The following MYO18B variants were observed in gnomAD, a reference collection of about 807,000 sequenced individuals.
The protein encoded by MYO18B is myosin XVIIIB.
MYO18B carries 204 observed loss-of-function variants against 273.0 expected under a neutral mutation model. The ratio of observed to expected loss-of-function variants is 0.75; its 90% CI spans 0.67 to 0.84. The LOEUF (loss-of-function observed/expected upper bound fraction) is 0.84. Ranked by LOEUF, MYO18B falls within the 40% of genes least tolerant of loss-of-function variation. The pLI is 0.00. For missense variants in MYO18B, 3,212 were observed against 3,287.6 expected (o/e 0.98, Z 0.56); for synonymous variants, 1,330 against 1,305.7 (o/e 1.02, Z -0.40).
intron 39 of MYO18B, among the ~76,000 whole-genome samples, chr22:25,974,663 A>G (rs2093069853): frequency 1.3e-5 from 2 of 152,220 alleles, no homozygotes; most frequent in Admixed American, 6.5e-5. Flanking sequence ...TTGATTTACG[A>G]AAACAGGCAG....
At position 25,983,932 on chromosome 22, in the gene MYO18B, A is replaced by G. The variant is rs16981130; in HGVS notation, c.6157-8431A>G. On this transcript the variant is annotated intron_variant, in intron 39 of 43. Coordinates refer to ENST00000335473, the MANE Select transcript of MYO18B (RefSeq NM_032608.7). ...GTTGCTAATCTCTCCTGGCTTTCCCAAAGCATTCTGTAAAATCCTTCCAGC... is the reference window on the plus strand; with the variant it reads ...GTTGCTAATCTCTCCTGGCTTTCCCGAAGCATTCTGTAAAATCCTTCCAGC... 5.0e-3 allele frequency among the ~76,000 whole-genome samples: 769 copies of G among 152,302 alleles called. 5 individuals are homozygous for G. Among genetic ancestry groups the G allele is most frequent in the African/African-American group, 0.017 (712 of 41,554 alleles).
intron 21 of MYO18B, among the ~76,000 whole-genome samples, chr22:25,859,223 A>G (rs560370873): frequency 6.6e-6 from 1 of 152,340 alleles, no homozygotes; most frequent in Non-Finnish European, 1.5e-5. Flanking sequence ...AAGATAAAAT[A>G]TTTTTTGATT....
At chr22:25,903,585 G>A in intron 30 of MYO18B, 46 bp from the exon 31 acceptor site, 3 of 1,547,922 alleles carry the variant, frequency 1.9e-6, no homozygotes, top group Non-Finnish European at 2.6e-6. Context: ...GGAGGAGGGA[G>A]GCATACTCAT....
chr22:25,876,414 C>A, intron 24 of MYO18B, 82 bp downstream of exon 24: 1 of 1,426,024 alleles, frequency 7.0e-7, no homozygotes, highest in East Asian at 2.5e-5. Context: ...ACCCTGTGCC[C>A]CTATTCCTGA....
chr22:25,851,637 G>A, intron 21 of MYO18B, 58 bp downstream of exon 21: 1 of 1,305,356 alleles, frequency 7.7e-7, no homozygotes, highest in Non-Finnish European at 1.1e-6. Context: ...GTTGGTTATT[G>A]GACATGTTCC....
chr22:25,815,639 A>C (rs1204913081), intron 12 of MYO18B, among the ~76,000 whole-genome samples: 1 of 152,152 alleles, frequency 6.6e-6, no homozygotes, highest in African/African-American at 2.4e-5. Flanking sequence ...CACCTCAAAG[A>C]TGCCTCCTTA....
chr22:25,979,499 C>G (rs1347512204), intron 39 of MYO18B, among the ~76,000 whole-genome samples: 1 of 152,056 alleles, frequency 6.6e-6, no homozygotes, highest in African/African-American at 2.4e-5. Flanking sequence ...GGAGTTTACC[C>G]CAGGTCAGGA....
Position 25,974,950 on chromosome 22 carries a change from A to T in MYO18B, c.6157-17413A>T, listed in dbSNP as rs376458819. On this transcript the variant is annotated intron_variant, in intron 39 of 43. Coordinates refer to ENST00000335473, the MANE Select transcript of MYO18B (RefSeq NM_032608.7). ...CCAAAGCGATCCCTGACACTGGGAGAGTGTCAAAGAGCCATGTCCCAGAGT... is the reference window on the plus strand; with the variant it reads ...CCAAAGCGATCCCTGACACTGGGAGTGTGTCAAAGAGCCATGTCCCAGAGT... 3.9e-4 allele frequency among the ~76,000 whole-genome samples: 59 copies of T among 152,222 alleles called. No homozygotes were observed. In the East Asian group the frequency reaches 0.011, roughly 28 times the overall value.
chr22:25,797,627 T>C (rs990022246), intron 11 of MYO18B, among the ~76,000 whole-genome samples: 9 of 152,206 alleles, frequency 5.9e-5, no homozygotes, highest in Non-Finnish European at 1.2e-4. Flanking sequence ...TGAGAGGGCC[T>C]CAAAGTCAAG....
At chr22:25,954,539 C>T (rs779684521) in intron 38 of MYO18B, among the ~76,000 whole-genome samples, 4 of 152,004 alleles carry the variant, frequency 2.6e-5, no homozygotes, top group African/African-American at 4.8e-5. Flanking sequence ...ATTCTGACAG[C>T]GTCCCTGGGA....
At chr22:26,015,361 C>T (rs554848474) in intron 42 of MYO18B, among the ~76,000 whole-genome samples, 1 of 152,210 alleles carries the variant, frequency 6.6e-6, no homozygotes, top group South Asian at 2.1e-4. Context: ...TATGGTTCAT[C>T]ACAACACCAT....
At chr22:25,743,884 G>A (rs549002402) in intron 1 of MYO18B, among the ~76,000 whole-genome samples, 97 of 152,292 alleles carry the variant, frequency 6.4e-4, no homozygotes, top group African/African-American at 2.2e-3. Context: ...GGTCGTTGAC[G>A]ACCTACCCAT....
rs17704912 is a variant in MYO18B at position 25,835,345 on chromosome 22, G to C, written c.3110G>C (p.Trp1037Ser). The C allele has an allele frequency of 0.062, 99,738 of 1,613,906 alleles. 3,691 individuals carry two copies. Among genetic ancestry groups the C allele is most frequent in the Non-Finnish European group, 0.075 (88,224 of 1,179,852 alleles). Residue 1037 changes from tryptophan (W) to serine (S), a missense_variant, in exon 17 of 44, where the codon TGG becomes TCG. Transcript: ENST00000335473. ...GCCCAGGATGCCAGAGGCCTTTTCT[G>C]GGTCTTAGATGAGGAAGTCCATGTA... is the stretch of plus-strand genomic sequence containing the variant. ...GGAQDARGLFWVLDEEVHVEG... is the reference protein window; with the variant it reads ...GGAQDARGLFSVLDEEVHVEG...
chr22:25,802,242 C>G (rs1333211913), intron 12 of MYO18B, among the ~76,000 whole-genome samples: 1 of 152,140 alleles, frequency 6.6e-6, no homozygotes, highest in African/African-American at 2.4e-5. Flanking sequence ...ATAAAGGATA[C>G]AACTCAGGAA....
chr22:25,992,164 C>T (rs1415323465), intron 39 of MYO18B, among the ~76,000 whole-genome samples, 199 bp from the exon 40 acceptor site: 3 of 152,188 alleles, frequency 2.0e-5, no homozygotes, highest in African/African-American at 7.2e-5. Context: ...TATCTATTCC[C>T]TCCTCTATGA....
At chr22:25,797,117 C>T (rs1344553230) in intron 11 of MYO18B, among the ~76,000 whole-genome samples, 4 of 152,134 alleles carry the variant, frequency 2.6e-5, no homozygotes, top group African/African-American at 9.7e-5. Flanking sequence ...AGCCCAGCTA[C>T]TCAGGAGGCT....
chr22:26,057,975 C>T, the MYO18B span, among the ~76,000 whole-genome samples: 1 of 152,110 alleles, frequency 6.6e-6, no homozygotes, highest in Admixed American at 6.5e-5. Flanking sequence ...GGAAATCTTT[C>T]CTGCTGAACC....
chr22:25,929,693 C>T (rs1005431568), intron 34 of MYO18B, among the ~76,000 whole-genome samples: 3 of 152,140 alleles, frequency 2.0e-5, no homozygotes, highest in African/African-American at 4.8e-5. Context: ...TTCACCTCTT[C>T]CTTCTGAGAA....
intron 42 of MYO18B, among the ~76,000 whole-genome samples, chr22:26,013,785 T>C (rs1056187674): frequency 3.3e-5 from 5 of 152,242 alleles, no homozygotes; most frequent in Admixed American, 6.5e-5. Flanking sequence ...TATGCTTATA[T>C]CTTCATTCGA....
Sources: allele counts gnomAD v4.1 joint callset (sites outside exome capture counted in the v4.1 genomes callset), GRCh38; gene constraint gnomAD v4.1.1; transcripts MANE v1.5; gene names NCBI Gene and HGNC (gene_info 2026-07-23, HGNC 2026-07-21).